CFHR5: variants seen among roughly 807,000 people sequenced by gnomAD.
The protein encoded by CFHR5 is complement factor H related 5.
A neutral mutation model predicts 62.9 loss-of-function variants in CFHR5; 73 were observed. The observed-to-expected ratio is 1.16, with a 90% CI of 0.96 to 1.41. CFHR5 has a LOEUF of 1.41. Among genes scored for constraint, CFHR5 ranks in the 40% most tolerant of loss-of-function variants. The pLI is 0.00. For missense variants in CFHR5, 779 were observed against 679.9 expected (o/e 1.15, Z -1.62); for synonymous variants, 249 against 227.2 (o/e 1.10, Z -0.86).
chr1:196,988,446 C>G (rs1045386886), intron 3 of CFHR5, among the ~76,000 whole-genome samples: 2 of 152,100 alleles, frequency 1.3e-5, no homozygotes, highest in Non-Finnish European at 2.9e-5. Context: ...CTGTCTTGTG[C>G]TGATTTTCAA....
At chr1:196,987,695 G>A (rs1653729827) in intron 3 of CFHR5, among the ~76,000 whole-genome samples, 1 of 152,092 alleles carries the variant, frequency 6.6e-6, no homozygotes, top group African/African-American at 2.4e-5. Context: ...TTATTTCTGA[G>A]GCCTCTGTTC....
chr1:196,977,382 C>T (rs1025845805), upstream of CFHR5, among the ~76,000 whole-genome samples: 8 of 151,662 alleles, frequency 5.3e-5, no homozygotes, highest in Non-Finnish European at 1.2e-4. Flanking sequence ...CTCAGAGACT[C>T]GGTGACTACA....
At chr1:196,976,829 G>A (rs1653405681), upstream of CFHR5, among the ~76,000 whole-genome samples, 1 of 117,856 alleles carries the variant, frequency 8.5e-6, no homozygotes, top group Non-Finnish European at 1.6e-5. Flanking sequence ...TTTTGAGACA[G>A]AGTCTCGCTC....
At chr1:196,983,904 T>C in intron 2 of CFHR5, 57 bp from the exon 3 acceptor site, 1 of 1,234,838 alleles carries the variant, frequency 8.1e-7, no homozygotes, top group Non-Finnish European at 1.2e-6. Flanking sequence ...GAAATATTTT[T>C]AAATGCACTT....
chr1:196,989,697 T>C (rs1019868518), intron 3 of CFHR5, among the ~76,000 whole-genome samples: 2 of 152,210 alleles, frequency 1.3e-5, no homozygotes, highest in Non-Finnish European at 2.9e-5. Flanking sequence ...AGTTTCTTAA[T>C]CCTGGGTTCT....
upstream of CFHR5, among the ~76,000 whole-genome samples, chr1:196,975,354 AG>A (rs1170439836): frequency 6.6e-6 from 1 of 152,194 alleles, no homozygotes; most frequent in African/African-American, 2.4e-5. Context: ...ACAATTTTTG[AG>A]CTTTTGTTGT....
chr1:197,001,930 T>A (rs74136081), intron 7 of CFHR5, among the ~76,000 whole-genome samples: 4,226 of 152,088 alleles, frequency 0.028, 203 homozygotes, highest in African/African-American at 0.095. Context: ...TCCCTAAGAA[T>A]AAGCCAAGCA....
intron 3 of CFHR5, among the ~76,000 whole-genome samples, chr1:196,990,539 T>G (rs1307236753): frequency 1.3e-5 from 2 of 152,170 alleles, no homozygotes; most frequent in African/African-American, 4.8e-5. Context: ...TAGTGCTTCC[T>G]TCAGGAGCTC....
intron 9 of CFHR5, among the ~76,000 whole-genome samples, chr1:197,005,532 T>C (rs1033871153): frequency 5.3e-5 from 8 of 152,196 alleles, no homozygotes; most frequent in Non-Finnish European, 1.2e-4. Flanking sequence ...AAGGAGATTC[T>C]TTTATCGGTC....
At chr1:196,983,751 C>T (rs564739983) in intron 2 of CFHR5, among the ~76,000 whole-genome samples, 122 of 152,130 alleles carry the variant, frequency 8.0e-4, no homozygotes, top group African/African-American at 2.8e-3. Context: ...AAAAACCATA[C>T]AGCAACAACA....
rs537572926 is a variant in CFHR5 at position 197,004,986 on chromosome 1, T to G, written c.1513+143T>G. ...AAATGTAAATACATACAAGGAAACA[T>G]TTGAAAAATTTGCTTTATGCAAAGT... is the stretch of plus-strand genomic sequence containing the variant. On this transcript the variant is annotated intron_variant, in intron 9 of 9. Transcript: ENST00000256785. 20 of 701,790 alleles carry G rather than the reference T, an allele frequency of 2.8e-5. No homozygotes were observed. The East Asian group carries it at 4.9e-4, about 17-fold the overall frequency. The allele number at this position is 701,790 out of a possible 1,614,324, so 43.5% of individuals were successfully genotyped here.
chr1:196,984,211 AGGTTAAATATAGGTTTCACC>A (rs1482795159), intron 3 of CFHR5, 74 bp downstream of exon 3: 1 of 1,274,450 alleles, frequency 7.8e-7, no homozygotes, highest in Non-Finnish European at 1.1e-6. Context: ...GATTAAATAT[AGGTTAAATATAGGTTTCACC>A]ACTACTTCTA....
chr1:197,004,673 A>G lies in CFHR5; in HGVS notation c.1343A>G (p.Tyr448Cys). 6.2e-7 allele frequency: 1 copy of G among 1,613,342 alleles called. No homozygotes were observed. Among genetic ancestry groups the G allele is most frequent in the African/African-American group, 1.3e-5 (1 of 74,982 alleles). Residue 448 changes from tyrosine (Y) to cysteine (C), a missense_variant, in exon 9 of 10, where the codon TAT becomes TGT. Coordinates refer to ENST00000256785, the MANE Select transcript of CFHR5 (RefSeq NM_030787.4). ...SLPRCVESTA[Y>C]CGPPPSINNG... ...TGCTGTTTTCCAGAGTCTACTGCAT[A>G]TTGTGGGCCCCCTCCATCTATTAAC...
At position 196,989,305 on chromosome 1, in the gene CFHR5, C is replaced by G. The variant is rs182715326; in HGVS notation, c.431-4775C>G. Among the ~76,000 whole-genome samples, 377 of 152,078 alleles carry G rather than the reference C, an allele frequency of 2.5e-3. 2 individuals are homozygous for G. The highest frequency in any genetic ancestry group is 2.2e-3 in the Non-Finnish European group (149 of 67,990). The stretch of plus-strand genomic sequence containing the variant: ...CTAGCAGTCTGTCTATTTTGTTAAT[C>G]TTTTCAAAAAACCAGCTCCTGGATT... On this transcript the variant is annotated intron_variant, in intron 3 of 9. Coordinates refer to ENST00000256785, the MANE Select transcript of CFHR5 (RefSeq NM_030787.4).
intron 3 of CFHR5, among the ~76,000 whole-genome samples, chr1:196,991,821 C>G (rs947223055): frequency 3.9e-5 from 6 of 152,176 alleles, no homozygotes; most frequent in African/African-American, 1.4e-4. Flanking sequence ...GGAGGTGTCT[C>G]CCAGTTAGGC....
At chr1:197,003,690 A>G (rs1654207949) in intron 8 of CFHR5, among the ~76,000 whole-genome samples, 1 of 152,182 alleles carries the variant, frequency 6.6e-6, no homozygotes, top group South Asian at 2.1e-4. Flanking sequence ...TGTGTTCAAG[A>G]AAGAATGTGG....
intron 1 of CFHR5, among the ~76,000 whole-genome samples, chr1:196,982,450 T>A (rs1468118836): frequency 1.3e-5 from 2 of 152,196 alleles, no homozygotes; most frequent in African/African-American, 4.8e-5. Context: ...GGCGCATGGA[T>A]CACCTGAGGT....
chr1:196,992,347 C>T (rs1336786573), intron 3 of CFHR5, among the ~76,000 whole-genome samples: 2 of 152,074 alleles, frequency 1.3e-5, no homozygotes, highest in Admixed American at 1.3e-4. Context: ...ATCCCCCAAC[C>T]CCTTGCACTT....
At chr1:196,999,706 TATATATATATATATATAC>T (rs1290717237) in intron 7 of CFHR5, among the ~76,000 whole-genome samples, 1,465 of 51,010 alleles carry the variant, frequency 0.029, 47 homozygotes, top group Non-Finnish European at 0.041. Context: ...TATATATATA[TATATATATATATATATAC>T]ACACACACAC....
Sources: allele counts gnomAD v4.1 joint callset (sites outside exome capture counted in the v4.1 genomes callset), GRCh38; gene constraint gnomAD v4.1.1; transcripts MANE v1.5; gene names NCBI Gene and HGNC (gene_info 2026-07-23, HGNC 2026-07-21).